The following AKAP13 variants were observed in gnomAD, a reference collection of about 807,000 sequenced individuals.
AKAP13 encodes A-kinase anchoring protein 13.
Under a neutral mutation model 264.5 loss-of-function variants are expected in AKAP13, and 80 were observed. The ratio of observed to expected loss-of-function variants is 0.30; its 90% confidence interval spans 0.25 to 0.36. AKAP13 has a LOEUF of 0.36. Among genes scored for constraint, AKAP13 ranks in the 10% least tolerant of loss-of-function variants. The probability of loss-of-function intolerance (pLI) is 1.00; values close to 1 mark genes in which losing one functional copy is unlikely to be tolerated. For missense variants in AKAP13, 3,712 were observed against 3,435.2 expected (o/e 1.08, Z -2.01); for synonymous variants, 1,380 against 1,250.2 (o/e 1.10, Z -2.19).
chr15:85,521,598 T>C (rs763561937), intron 3 of AKAP13, 23 bp downstream of exon 3: 2 of 1,610,990 alleles, frequency 1.2e-6, no homozygotes, highest in Non-Finnish European at 1.7e-6. Context: ...ATGGGATCCT[T>C]ACTAGCTTTT....
At chr15:85,616,227 T>C (rs2080929764) in intron 8 of AKAP13, among the ~76,000 whole-genome samples, 1 of 152,216 alleles carries the variant, frequency 6.6e-6, no homozygotes, top group Non-Finnish European at 1.5e-5. Flanking sequence ...GAAACTTTGC[T>C]GTGAGACTCC....
chr15:85,742,383 G>A (rs1476149957), intron 35 of AKAP13, among the ~76,000 whole-genome samples: 1 of 152,238 alleles, frequency 6.6e-6, no homozygotes. Flanking sequence ...TGTGGTGCCT[G>A]TGGTCCTGAG....
intron 8 of AKAP13, among the ~76,000 whole-genome samples, chr15:85,606,037 A>G (rs951039634): frequency 7.4e-6 from 1 of 134,332 alleles, no homozygotes; most frequent in African/African-American, 2.9e-5. Flanking sequence ...TTTATTTTAC[A>G]TTTTTAAATA....
chr15:85,434,399 C>G (rs945078174), intron 1 of AKAP13, among the ~76,000 whole-genome samples: 2 of 152,142 alleles, frequency 1.3e-5, no homozygotes, highest in Non-Finnish European at 2.9e-5. Flanking sequence ...GGGGGAGGGG[C>G]GCCCGCCATT....
chr15:85,695,701 A>G (rs1213336043), intron 17 of AKAP13, among the ~76,000 whole-genome samples: 1 of 152,198 alleles, frequency 6.6e-6, no homozygotes, highest in Non-Finnish European at 1.5e-5. Context: ...CCGAATCCTC[A>G]TGCATCCCTG....
intron 12 of AKAP13, among the ~76,000 whole-genome samples, chr15:85,663,945 T>C (rs1020561233): frequency 6.6e-6 from 1 of 152,260 alleles, no homozygotes; most frequent in African/African-American, 2.4e-5. Flanking sequence ...ATTAAGGTGT[T>C]ATATGTGCCT....
chr15:85,668,786 A>G (rs2151560969), intron 13 of AKAP13, among the ~76,000 whole-genome samples: 1 of 152,272 alleles, frequency 6.6e-6, no homozygotes, highest in East Asian at 1.9e-4. Context: ...TACCAAAAAT[A>G]CAAAAAATTA....
At chr15:85,578,724 C>T (rs1234830051) in intron 6 of AKAP13, among the ~76,000 whole-genome samples, 2 of 152,040 alleles carry the variant, frequency 1.3e-5, no homozygotes, top group African/African-American at 2.4e-5. Context: ...CTATTTTGAA[C>T]ATCCCAGTAT....
At chr15:85,520,617 A>G (rs1451605505) in intron 2 of AKAP13, 1 of 518,690 alleles carries the variant, frequency 1.9e-6, no homozygotes, top group South Asian at 1.4e-5. Flanking sequence ...TATGGGATTA[A>G]TGTAGGGGTG....
At chr15:85,486,834 G>A (rs2075567629) in intron 2 of AKAP13, among the ~76,000 whole-genome samples, 1 of 147,204 alleles carries the variant, frequency 6.8e-6, no homozygotes, top group South Asian at 2.1e-4. Flanking sequence ...CGCCTCCCAG[G>A]TTCACGCCAG....
intron 8 of AKAP13, among the ~76,000 whole-genome samples, chr15:85,638,014 G>A (rs1355896867): frequency 1.3e-5 from 2 of 150,006 alleles, no homozygotes; most frequent in Non-Finnish European, 3.0e-5. Flanking sequence ...GAGTAGCTGC[G>A]ACTGCAGGCG....
chr15:85,434,274 A>G (rs1451132581), intron 1 of AKAP13, among the ~76,000 whole-genome samples: 3 of 151,876 alleles, frequency 2.0e-5, no homozygotes, highest in African/African-American at 7.3e-5. Context: ...GGCTTAAAAA[A>G]CGGCGAACCA....
At position 85,606,090 on chromosome 15, in the gene AKAP13, CTTTTTTTT is replaced by C. The variant is rs369008646; in HGVS notation, c.4161+20286_4161+20293del. ...AGATTTTCTGCACTGGTTTGATCTA[CTTTTTTTT>C]TTTTTTTTTTTTTTTTTTGTTGAGA... On this transcript the variant is annotated intron_variant, in intron 8 of 36. Coordinates refer to ENST00000394518, the MANE Select transcript of AKAP13 (RefSeq NM_007200.5). Among the ~76,000 whole-genome samples, 71 of 88,372 alleles carry C rather than the reference CTTTTTTTT, an allele frequency of 8.0e-4. No homozygotes were observed. The East Asian group carries it at 0.016, about 20-fold the overall frequency. 58.0% of individuals were successfully genotyped at this position (88,372 alleles called of 152,430 possible).
At chr15:85,605,586 C>G (rs978511090) in intron 8 of AKAP13, among the ~76,000 whole-genome samples, 1 of 152,094 alleles carries the variant, frequency 6.6e-6, no homozygotes, top group Non-Finnish European at 1.5e-5. Flanking sequence ...ACATGTTTAC[C>G]TATGTAACAA....
At chr15:85,462,146 G>C (rs189589427) in intron 1 of AKAP13, among the ~76,000 whole-genome samples, 35 of 152,284 alleles carry the variant, frequency 2.3e-4, no homozygotes, top group Admixed American at 2.3e-3. Context: ...TGAGTTTCTT[G>C]TTTTTCATGG....
rs766348853 is a variant in AKAP13 at position 85,743,624 on chromosome 15, A to G, written c.8191A>G (p.Arg2731Gly). Reference protein sequence around the residue: ...LDSELSVSPKRNSISRTHKDK... With the variant: ...LDSELSVSPKGNSISRTHKDK... ...CTCAGAACTTTCAGTGTCCCCAAAAAGGAACAGCATCTCTCGGACACACAA... is the reference window on the plus strand; with the variant it reads ...CTCAGAACTTTCAGTGTCCCCAAAAGGGAACAGCATCTCTCGGACACACAA... The change falls in exon 36 of 37, where the codon AGG becomes GGG. Residue 2731 changes from arginine (R) to glycine (G), a missense_variant. This residue lies in a region of AKAP13 where 611 missense variants were observed against 539.3 expected (regional missense o/e 1.13). Coordinates refer to ENST00000394518, the MANE Select transcript of AKAP13 (RefSeq NM_007200.5). 2.7e-5 allele frequency: 44 copies of G among 1,614,066 alleles called. No individual in the cohort carries two copies. In the African/African-American group the frequency reaches 5.7e-4, roughly 21 times the overall value.
chr15:85,744,037 G>A (rs960379003), intron 36 of AKAP13: 3 of 581,426 alleles, frequency 5.2e-6, no homozygotes, highest in Admixed American at 6.5e-5. Context: ...CAGAAGCAGA[G>A]AGCATGGGTT....
chr15:85,541,556 A>G (rs1418763223), intron 4 of AKAP13, among the ~76,000 whole-genome samples: 3 of 152,220 alleles, frequency 2.0e-5, no homozygotes, highest in African/African-American at 7.2e-5. Context: ...TTTCCTAGCA[A>G]AAAGAAACAG....
At chr15:85,505,310 C>A (rs973612101) in intron 2 of AKAP13, among the ~76,000 whole-genome samples, 3 of 152,208 alleles carry the variant, frequency 2.0e-5, no homozygotes, top group Non-Finnish European at 4.4e-5. Flanking sequence ...GGTGCCTGGA[C>A]ATCTTTAAGA....
Sources: allele counts gnomAD v4.1 joint callset (sites outside exome capture counted in the v4.1 genomes callset), GRCh38; gene constraint gnomAD v4.1.1; regional missense constraint gnomAD v4.1.1; transcripts MANE v1.5; gene names NCBI Gene and HGNC (gene_info 2026-07-23, HGNC 2026-07-21).